Variants in FBXO31 observed in about 807,000 individuals in gnomAD.
The protein encoded by FBXO31 is F-box only protein 31.
FBXO31 carries 24 observed loss-of-function variants against 54.4 expected under a neutral mutation model. The observed-to-expected ratio is 0.44, with a 90% confidence interval of 0.32 to 0.62. The LOEUF is 0.62. FBXO31 is among the 20% of genes least tolerant of loss of function. The pLI, the probability that FBXO31 is intolerant of heterozygous loss-of-function variation, is 0.05. For missense variants in FBXO31, 665 were observed against 787.1 expected, an observed-to-expected ratio of 0.84 and a Z score of 1.86; for synonymous variants, 388 against 335.6, an observed-to-expected ratio of 1.16 and a Z score of -1.71.
intron 1 of FBXO31, among the ~76,000 whole-genome samples, chr16:87,361,281 C>G (rs1300854124): frequency 4.6e-5 from 7 of 152,204 alleles, no homozygotes; most frequent in Admixed American, 4.6e-4. Context: ...AAAACAAGTG[C>G]AGAGAGGTGA....
Position 87,383,380 on chromosome 16 carries a change from G to A in FBXO31, c.340+25C>T. 1 of 846,160 alleles carries A rather than the reference G, an allele frequency of 1.2e-6. No individual in the cohort carries two copies. Among genetic ancestry groups the A allele is most frequent in the Non-Finnish European group, 1.7e-6 (1 of 580,344 alleles). 52.4% of individuals were successfully genotyped at this position (846,160 alleles called of 1,614,324 possible). On this transcript the variant is annotated intron_variant, in intron 1 of 8. Transcript: ENST00000311635. This position sits in a 1 kb window ranked among gnomAD's most constrained non-coding sequence, Gnocchi z 4.9. ...CTGGCAGGGACCCCCCGCCCCTCCC[G>A]GCCCCGCCACCCCCGCGCGCTCACC...
In FBXO31 at chr16:87,334,050, C is replaced by T. The variant is rs754727604; in HGVS notation, c.1233G>A (p.Ala411=). 4.2e-5 allele frequency: 67 copies of T among 1,612,146 alleles called. No homozygotes were observed. The highest frequency in any genetic ancestry group is 8.9e-5 in the East Asian group (4 of 44,862). The part of the protein sequence containing the change: ...QPSPAQPRAE[A]PSKGPDGTPG... The stretch of plus-strand genomic sequence containing the variant: ...GTGTCCCATCTGGGCCCTTGCTGGG[C>T]GCCTCTGCCCTGGGCTGGGCAGGGC... Residue 411 remains alanine, a synonymous_variant, in exon 8 of 9, where the codon GCG becomes GCA. Transcript: ENST00000311635.
At position 87,331,600 on chromosome 16, in the gene FBXO31, C is replaced by T. The variant is rs558918575; in HGVS notation, c.1398-90G>A. 5.2e-5 allele frequency: 57 copies of T among 1,085,842 alleles called. No homozygotes were observed. In the South Asian group the frequency reaches 6.7e-4, roughly 13 times the overall value. 67.3% of individuals were successfully genotyped at this position (1,085,842 alleles called of 1,614,324 possible). On this transcript the variant is annotated intron_variant, in intron 8 of 8. Transcript: ENST00000311635. Reference sequence around the variant, plus strand: ...AGCATTCTGCGACCCCGCTCTGTGCCGCAAGAGCCACATCCACTGTTCATC... The same window carrying T: ...AGCATTCTGCGACCCCGCTCTGTGCTGCAAGAGCCACATCCACTGTTCATC...
At chr16:87,355,171 A>T (rs1300281415) in intron 2 of FBXO31, among the ~76,000 whole-genome samples, 1 of 152,190 alleles carries the variant, frequency 6.6e-6, no homozygotes, top group Non-Finnish European at 1.5e-5. Flanking sequence ...CAGCCTGGGC[A>T]ATAAAGCAAG....
At chr16:87,333,773 C>A in intron 8 of FBXO31, 113 bp downstream of exon 8, 1 of 1,431,644 alleles carries the variant, frequency 7.0e-7, no homozygotes, top group South Asian at 1.4e-5. Context: ...GCACCGGCTG[C>A]CGCCCTCTGT....
chr16:87,339,680 G>A (rs921004663), intron 5 of FBXO31, among the ~76,000 whole-genome samples: 3 of 152,296 alleles, frequency 2.0e-5, no homozygotes, highest in East Asian at 1.9e-4. Flanking sequence ...TCACACAAAC[G>A]GCAGCACCCC....
chr16:87,376,312 C>G (rs950117589), intron 1 of FBXO31, among the ~76,000 whole-genome samples: 2 of 150,084 alleles, frequency 1.3e-5, no homozygotes, highest in Non-Finnish European at 3.0e-5. Context: ...CTTACTCTGT[C>G]GCCCAGGCTG....
At chr16:87,351,867 TCAA>T (rs920918247) in intron 2 of FBXO31, among the ~76,000 whole-genome samples, 2 of 151,820 alleles carry the variant, frequency 1.3e-5, no homozygotes, top group Non-Finnish European at 2.9e-5. Flanking sequence ...AGACTCTGTC[TCAA>T]CAACAACAAA....
chr16:87,389,395 C>T (rs909968269), intron 1 of FBXO31, among the ~76,000 whole-genome samples: 1 of 152,174 alleles, frequency 6.6e-6, no homozygotes, highest in Non-Finnish European at 1.5e-5. Flanking sequence ...ACACAACTGT[C>T]GATGCTACTT....
At chr16:87,355,667 T>C (rs1320472144) in intron 2 of FBXO31, among the ~76,000 whole-genome samples, 1 of 152,216 alleles carries the variant, frequency 6.6e-6, no homozygotes, top group Non-Finnish European at 1.5e-5. Flanking sequence ...AAAACCCACA[T>C]ATGATAAAGC....
At chr16:87,366,093 A>G (rs1175634088) in intron 1 of FBXO31, among the ~76,000 whole-genome samples, 2 of 152,144 alleles carry the variant, frequency 1.3e-5, no homozygotes, top group African/African-American at 4.8e-5. Flanking sequence ...GAGTCTAACA[A>G]ACTGTCACAG....
At position 87,338,004 on chromosome 16, in the gene FBXO31, T is replaced by G. The variant is rs138322759; in HGVS notation, c.733-1740A>C. On this transcript the variant is annotated intron_variant, in intron 5 of 8. Transcript: ENST00000311635. This position sits in a 1 kb window ranked among gnomAD's most constrained non-coding sequence, Gnocchi z 4.3. ...GAGGAAAGGCTCTTTAAATAACAGA[T>G]AGAAACAAAAGTAACTGAATGTAAT... 1.3e-4 allele frequency among the ~76,000 whole-genome samples: 20 copies of G among 152,168 alleles called. No individual in the cohort carries two copies. The highest frequency in any genetic ancestry group is 4.8e-4 in the African/African-American group (20 of 41,514).
At chr16:87,354,112 T>C (rs1182399582) in intron 2 of FBXO31, among the ~76,000 whole-genome samples, 1 of 152,260 alleles carries the variant, frequency 6.6e-6, no homozygotes, top group African/African-American at 2.4e-5. Flanking sequence ...TCCATATTTT[T>C]AGAAGATATC....
In FBXO31 at chr16:87,338,343, G is replaced by A. The variant is rs1209244317; in HGVS notation, c.733-2079C>T. Among the ~76,000 whole-genome samples, 4 of 152,228 alleles carry A rather than the reference G, an allele frequency of 2.6e-5. No individual in the cohort carries two copies. The highest frequency in any genetic ancestry group is 1.9e-4 in the East Asian group (1 of 5,184). ...TTGTACTCGCGACCCTCGTGGCAGCGCCGGCAGAGGGGGCTGAGGGTGACA... is the reference window on the plus strand; with the variant it reads ...TTGTACTCGCGACCCTCGTGGCAGCACCGGCAGAGGGGGCTGAGGGTGACA... On this transcript the variant is annotated intron_variant, in intron 5 of 8. Transcript: ENST00000311635. This position sits in a 1 kb window ranked among gnomAD's most constrained non-coding sequence, Gnocchi z 4.3.
rs1463030317 is a variant in FBXO31 at position 87,333,794 on chromosome 16, G to A, written c.1397+92C>T. ...GCTGCCGCCCTCTGTGAGGTCACAG[G>A]CCCTCTCCGCCTGTGCTAGGTGTGG... On this transcript the variant is annotated intron_variant, in intron 8 of 8. Coordinates refer to ENST00000311635, the MANE Select transcript of FBXO31 (RefSeq NM_024735.5). The A allele has an allele frequency of 5.3e-6, 8 of 1,499,062 alleles. No individual in the cohort carries two copies. In the African/African-American group the frequency reaches 1.1e-4, roughly 21 times the overall value. 92.9% of individuals were successfully genotyped at this position (1,499,062 alleles called of 1,614,324 possible).
At chr16:87,333,658 G>A (rs1018273360) in intron 8 of FBXO31, among the ~76,000 whole-genome samples, 6 of 152,224 alleles carry the variant, frequency 3.9e-5, no homozygotes, top group Non-Finnish European at 7.3e-5. Context: ...CCCCAGAAGG[G>A]GTGGAAGGAC....
At chr16:87,365,038 T>TATATATATATATATATATATA (rs1031091236) in intron 1 of FBXO31, among the ~76,000 whole-genome samples, 4 of 110,790 alleles carry the variant, frequency 3.6e-5, no homozygotes, top group African/African-American at 1.4e-4. Flanking sequence ...TATATATATA[T>TATATATATATATATATATATA]ATCAGGCAGG....
At chr16:87,350,034 C>A (rs1346304377) in intron 2 of FBXO31, among the ~76,000 whole-genome samples, 1 of 152,172 alleles carries the variant, frequency 6.6e-6, no homozygotes, top group Non-Finnish European at 1.5e-5. Flanking sequence ...GCACAGTCCA[C>A]ATGTTGGCGA....
At position 87,345,262 on chromosome 16, in the gene FBXO31, C is replaced by T. The variant is rs542101012; in HGVS notation, c.490-1497G>A. ...TCAGGGGCCAGCTGCCTGCCCAGAG[C>T]TCAACAAAGTCAGGGCGGGGCTTTC... On this transcript the variant is annotated intron_variant, in intron 3 of 8. Transcript: ENST00000311635. This position sits in a 1 kb window ranked among gnomAD's most constrained non-coding sequence, Gnocchi z 4.9. 2.0e-5 allele frequency among the ~76,000 whole-genome samples: 3 copies of T among 151,130 alleles called. No individual in the cohort carries two copies. Among genetic ancestry groups the T allele is most frequent in the East Asian group, 3.9e-4 (2 of 5,066 alleles).
Sources: allele counts gnomAD v4.1 joint callset (sites outside exome capture counted in the v4.1 genomes callset), GRCh38; gene constraint gnomAD v4.1.1; non-coding constraint Gnocchi (gnomAD v3.1); transcripts MANE v1.5; gene names NCBI Gene and HGNC (gene_info 2026-07-23, HGNC 2026-07-21).